Variants in RNF130 observed in about 807,000 individuals in gnomAD.
The protein encoded by RNF130 is ring finger protein 130, also known as E3 ubiquitin-protein ligase RNF130.
In RNF130, 21 loss-of-function variants were observed where a neutral mutation model predicts 44.6. That is an observed-to-expected ratio of 0.47 (90% CI 0.33 to 0.68). The LOEUF (loss-of-function observed/expected upper bound fraction) is 0.68. RNF130 is among the 30% of genes least tolerant of loss of function. The probability of loss-of-function intolerance (pLI) is 0.02; values close to 1 mark genes in which losing one functional copy is unlikely to be tolerated. For missense variants in RNF130, 479 were observed against 560.6 expected (o/e 0.85, Z 1.47); for synonymous variants, 214 against 210.4 (o/e 1.02, Z -0.15).
chr5:180,033,326 T>C (rs1395995408), intron 2 of RNF130, among the ~76,000 whole-genome samples: 2 of 152,222 alleles, frequency 1.3e-5, no homozygotes, highest in African/African-American at 4.8e-5. Context: ...AGGTTCAATG[T>C]GCAATTCTTA....
At chr5:179,994,900 T>C (rs1763169938) in intron 3 of RNF130, among the ~76,000 whole-genome samples, 1 of 152,098 alleles carries the variant, frequency 6.6e-6, no homozygotes, top group African/African-American at 2.4e-5. Context: ...TACTTAAGTG[T>C]CCCACGCAAT....
intron 6 of RNF130, among the ~76,000 whole-genome samples, chr5:179,967,822 G>T (rs1762485039): frequency 6.6e-6 from 1 of 152,164 alleles, no homozygotes; most frequent in Non-Finnish European, 1.5e-5. Flanking sequence ...ACTGTTTCAG[G>T]TCATCTCAAA....
At chr5:180,012,589 C>G (rs1414188349) in intron 3 of RNF130, among the ~76,000 whole-genome samples, 1 of 152,160 alleles carries the variant, frequency 6.6e-6, no homozygotes, top group African/African-American at 2.4e-5. Context: ...TCACCCTTAC[C>G]CCATGTCTGA....
intron 1 of RNF130, among the ~76,000 whole-genome samples, chr5:180,061,660 C>T (rs10079029): frequency 0.8 from 121,602 of 152,152 alleles, 48,808 homozygotes; most frequent in South Asian, 0.93. Context: ...TGTGTGTCTT[C>T]CTGTATCTTT....
rs1414530195 is a variant in RNF130, at chr5:180,022,023, G to A, written c.443-8712C>T. Among the ~76,000 whole-genome samples the A allele has an allele frequency of 3.3e-5, 5 of 152,308 alleles. No individual in the cohort carries two copies. In the East Asian group the frequency reaches 9.7e-4, roughly 29 times the overall value. ...CTACATTCGGCCCAGTTGATCTGTC[G>A]AAGGTATTTCCCTGTGGCTAGATTC... On this transcript the variant is annotated intron_variant, in intron 2 of 8. Coordinates refer to ENST00000521389, the MANE Select transcript of RNF130 (RefSeq NM_018434.6).
intron 1 of RNF130, among the ~76,000 whole-genome samples, chr5:180,066,774 G>A (rs1248096509): frequency 2.6e-5 from 4 of 151,958 alleles, no homozygotes; most frequent in Non-Finnish European, 4.4e-5. Flanking sequence ...TGGAGGTTGC[G>A]GTGAGCCGAG....
chr5:179,948,656 T>C (rs1213570345), intron 7 of RNF130, among the ~76,000 whole-genome samples: 2 of 151,876 alleles, frequency 1.3e-5, no homozygotes, highest in African/African-American at 2.4e-5. Flanking sequence ...GGATGATAGA[T>C]AGAGCGAGAC....
At chr5:180,028,784 T>A (rs905730866) in intron 2 of RNF130, among the ~76,000 whole-genome samples, 1 of 152,212 alleles carries the variant, frequency 6.6e-6, no homozygotes, top group Non-Finnish European at 1.5e-5. Context: ...ATTAACTATT[T>A]TTTTGTACTA....
At chr5:180,029,901 C>T (rs565515821) in intron 2 of RNF130, among the ~76,000 whole-genome samples, 4 of 149,740 alleles carry the variant, frequency 2.7e-5, no homozygotes, top group East Asian at 2.0e-4. Context: ...TAGGCTAGAG[C>T]GCAGTGGCAC....
chr5:180,031,416 G>A (rs1764128314), intron 2 of RNF130, among the ~76,000 whole-genome samples: 1 of 152,168 alleles, frequency 6.6e-6, no homozygotes. Context: ...GAACCCAGGA[G>A]GCGGAGGTTG....
intron 3 of RNF130, among the ~76,000 whole-genome samples, chr5:179,990,241 C>A (rs1763049447): frequency 6.6e-6 from 1 of 152,192 alleles, no homozygotes; most frequent in African/African-American, 2.4e-5. Flanking sequence ...TGAGTCACCT[C>A]CAGTGACTGA....
intron 2 of RNF130, among the ~76,000 whole-genome samples, chr5:180,030,391 T>A (rs978796029): frequency 6.6e-6 from 1 of 152,172 alleles, no homozygotes; most frequent in Non-Finnish European, 1.5e-5. Flanking sequence ...ATAATTTACA[T>A]CCTACAAGAC....
At chr5:180,021,917 C>T (rs1003646887) in intron 2 of RNF130, among the ~76,000 whole-genome samples, 1 of 152,300 alleles carries the variant, frequency 6.6e-6, no homozygotes, top group East Asian at 1.9e-4. Context: ...TACACTCAGT[C>T]GTCACGTCAT....
chr5:179,938,040 C>T (rs1391333797), intron 7 of RNF130, among the ~76,000 whole-genome samples: 1 of 151,216 alleles, frequency 6.6e-6, no homozygotes, highest in Non-Finnish European at 1.5e-5. Context: ...GCTCCACAAC[C>T]CAGACTCCCG....
At chr5:180,032,365 C>A (rs1764149810) in intron 2 of RNF130, among the ~76,000 whole-genome samples, 1 of 151,634 alleles carries the variant, frequency 6.6e-6, no homozygotes, top group African/African-American at 2.4e-5. Context: ...TCCCTTCCTC[C>A]CTCCCTCCCT....
chr5:180,055,880 T>C (rs1764807733), intron 1 of RNF130, among the ~76,000 whole-genome samples: 1 of 151,996 alleles, frequency 6.6e-6, no homozygotes, highest in African/African-American at 2.4e-5. Flanking sequence ...GGTCAGGAGT[T>C]CAAGACCACC....
chr5:180,049,056 C>T (rs1764632067), intron 1 of RNF130, among the ~76,000 whole-genome samples: 1 of 152,218 alleles, frequency 6.6e-6, no homozygotes, highest in Non-Finnish European at 1.5e-5. Flanking sequence ...TAAGCAGAGG[C>T]TGGTAGGCAA....
At chr5:179,970,326 C>T in intron 6 of RNF130, 84 bp downstream of exon 6, 1 of 1,025,144 alleles carries the variant, frequency 9.8e-7, no homozygotes, top group South Asian at 1.7e-5. Flanking sequence ...AGTCATGCCT[C>T]CTATTATGCC....
chr5:179,961,220 A>T (rs1198074360), intron 8 of RNF130, among the ~76,000 whole-genome samples: 3 of 152,178 alleles, frequency 2.0e-5, no homozygotes, highest in Non-Finnish European at 2.9e-5. Context: ...TCGTATCCAC[A>T]TGCGTGCATA....
Sources: allele counts gnomAD v4.1 joint callset (sites outside exome capture counted in the v4.1 genomes callset), GRCh38; gene constraint gnomAD v4.1.1; transcripts MANE v1.5; gene names NCBI Gene and HGNC (gene_info 2026-07-23, HGNC 2026-07-21).